The following SYNPO2 variants were observed in gnomAD, a reference collection of about 807,000 sequenced individuals.
SYNPO2 encodes synaptopodin-2.
In SYNPO2, 56 loss-of-function variants were observed where a neutral mutation model predicts 85.0. The observed-to-expected ratio is 0.66, with a 90% CI of 0.53 to 0.82. The LOEUF (loss-of-function observed/expected upper bound fraction) is 0.82, where lower values mean the gene tolerates loss of function less well. Ranked by LOEUF, SYNPO2 falls within the 40% of genes least tolerant of loss-of-function variation. The pLI is 0.00. For synonymous variants in SYNPO2, 602 were observed against 591.1 expected, an observed-to-expected ratio of 1.02 and a Z score of -0.27; for missense variants, 1,575 against 1,534.2, an observed-to-expected ratio of 1.03 and a Z score of -0.44.
At chr4:119,017,543 CA>C (rs3052104) in intron 1 of SYNPO2, among the ~76,000 whole-genome samples, 43,866 of 149,040 alleles carry the variant, frequency 0.29, 7,070 homozygotes, top group African/African-American at 0.46. Context: ...CATTTTCTGT[CA>C]AAAAAAAAAA....
chr4:119,010,444 C>T (rs1302505591), intron 1 of SYNPO2, among the ~76,000 whole-genome samples: 2 of 152,138 alleles, frequency 1.3e-5, no homozygotes, highest in African/African-American at 4.8e-5. Flanking sequence ...GAGACTTATT[C>T]ACTACCATGA....
intron 1 of SYNPO2, among the ~76,000 whole-genome samples, chr4:118,985,006 A>G (rs1403511290): frequency 3.3e-5 from 5 of 152,200 alleles, no homozygotes; most frequent in African/African-American, 1.2e-4. Flanking sequence ...CTTTAGGTCA[A>G]TGCTTCTCCT....
chr4:119,008,200 C>T (rs1305748427), intron 1 of SYNPO2, among the ~76,000 whole-genome samples: 3 of 152,078 alleles, frequency 2.0e-5, no homozygotes, highest in Non-Finnish European at 4.4e-5. Flanking sequence ...GTTTAGTGCC[C>T]TTCTCACTGT....
chr4:118,876,673 CTTTCTTTCTTTCTT>C (rs1731921715), intron 1 of SYNPO2, among the ~76,000 whole-genome samples: 4 of 5,726 alleles, frequency 7.0e-4, no homozygotes, highest in Admixed American at 2.6e-3. Flanking sequence ...CTTTCTCTTT[CTTTCTTTCTTTCTT>C]TCTTTCTTTC....
At chr4:118,971,572 A>G (rs936619587) in intron 1 of SYNPO2, among the ~76,000 whole-genome samples, 2 of 152,260 alleles carry the variant, frequency 1.3e-5, no homozygotes, top group African/African-American at 4.8e-5. Context: ...TGAAAGGGCA[A>G]CCTGACTTAT....
At chr4:118,892,580 A>C (rs1377434811) in intron 1 of SYNPO2, among the ~76,000 whole-genome samples, 1 of 152,178 alleles carries the variant, frequency 6.6e-6, no homozygotes, top group Non-Finnish European at 1.5e-5. Context: ...ATCACTTTGA[A>C]AAATCCTCAT....
intron 4 of SYNPO2, among the ~76,000 whole-genome samples, chr4:119,048,713 G>A (rs1011273084): frequency 6.6e-6 from 1 of 152,176 alleles, no homozygotes; most frequent in Non-Finnish European, 1.5e-5. Context: ...AAAATCCTGA[G>A]GCATGAGTGT....
chr4:119,004,965 C>T (rs939980193), intron 1 of SYNPO2, among the ~76,000 whole-genome samples: 3 of 152,010 alleles, frequency 2.0e-5, no homozygotes, highest in African/African-American at 4.8e-5. Flanking sequence ...ATTTGCATTT[C>T]TCTGATGGCC....
intron 1 of SYNPO2, among the ~76,000 whole-genome samples, chr4:118,976,574 G>C (rs1007177739): frequency 2.0e-5 from 3 of 152,138 alleles, no homozygotes; most frequent in African/African-American, 7.2e-5. Flanking sequence ...TTGTCAGGGC[G>C]CTGATTGGTG....
At chr4:118,863,124 T>C (rs1731640541) in intron 1 of SYNPO2, among the ~76,000 whole-genome samples, 1 of 152,208 alleles carries the variant, frequency 6.6e-6, no homozygotes, top group Non-Finnish European at 1.5e-5. Context: ...CTTTTCTTTT[T>C]TCAAATGTGT....
chr4:118,900,169 G>T (rs1173056702), intron 1 of SYNPO2, among the ~76,000 whole-genome samples: 1 of 152,126 alleles, frequency 6.6e-6, no homozygotes, highest in East Asian at 1.9e-4. Context: ...ATAATTTCCA[G>T]CCCCAAATCA....
chr4:118,915,942 G>A lies in SYNPO2; in HGVS notation c.105+26801G>A, dbSNP rs111907480. Among the ~76,000 whole-genome samples the A allele has an allele frequency of 4.1e-3, 628 of 151,972 alleles. 4 individuals are homozygous for A. The highest frequency in any genetic ancestry group is 0.013 in the African/African-American group (536 of 41,434). On this transcript the variant is annotated intron_variant, in intron 1 of 4. Transcript: ENST00000307142. ...TGATTTCTATTTTCATGACTACCACGTAAATTAAATATCTCTTCATACATT... is the reference window on the plus strand; with the variant it reads ...TGATTTCTATTTTCATGACTACCACATAAATTAAATATCTCTTCATACATT...
At chr4:118,899,808 C>A (rs1732660397) in intron 1 of SYNPO2, among the ~76,000 whole-genome samples, 1 of 152,220 alleles carries the variant, frequency 6.6e-6, no homozygotes. Flanking sequence ...GTCACCCAAC[C>A]TGGAGCGCAA....
intron 1 of SYNPO2, among the ~76,000 whole-genome samples, chr4:118,920,310 G>A (rs1001183074): frequency 6.6e-6 from 1 of 152,100 alleles, no homozygotes; most frequent in Non-Finnish European, 1.5e-5. Flanking sequence ...GGACAGCCAG[G>A]GTGCCTAGTA....
intron 1 of SYNPO2, among the ~76,000 whole-genome samples, chr4:118,870,749 G>A (rs1731785659): frequency 6.6e-6 from 1 of 152,150 alleles, no homozygotes; most frequent in African/African-American, 2.4e-5. Flanking sequence ...GGGGGTATGG[G>A]GGAGGGAGAG....
chr4:118,863,716 A>G (rs569995186), intron 1 of SYNPO2, among the ~76,000 whole-genome samples: 1 of 152,116 alleles, frequency 6.6e-6, no homozygotes, highest in Admixed American at 6.5e-5. Flanking sequence ...GGTTCAAGCA[A>G]TTCTCCTGCC....
intron 4 of SYNPO2, chr4:119,037,699 C>T (rs891065850): frequency 1.0e-6 from 1 of 970,984 alleles, no homozygotes; most frequent in African/African-American, 1.8e-5. Flanking sequence ...AAATATTTTA[C>T]ATAAGTTTTG....
intron 1 of SYNPO2, among the ~76,000 whole-genome samples, chr4:119,000,242 G>T (rs1006584106): frequency 3.3e-5 from 5 of 152,186 alleles, no homozygotes; most frequent in Admixed American, 2.0e-4. Context: ...ACAGGTAGGG[G>T]ATGTGAGATG....
chr4:118,979,907 C>G (rs1022357579), intron 1 of SYNPO2, among the ~76,000 whole-genome samples: 1 of 152,172 alleles, frequency 6.6e-6, no homozygotes, highest in African/African-American at 2.4e-5. Flanking sequence ...ATTCTGAGCA[C>G]CTTGGTCTAT....
Sources: allele counts gnomAD v4.1 joint callset (sites outside exome capture counted in the v4.1 genomes callset), GRCh38; gene constraint gnomAD v4.1.1; transcripts MANE v1.5; gene names NCBI Gene and HGNC (gene_info 2026-07-23, HGNC 2026-07-21).